MSI2: variants seen among roughly 807,000 people sequenced by gnomAD.
MSI2 encodes musashi RNA binding protein 2.
In MSI2, 17 loss-of-function variants were observed where a neutral mutation model predicts 45.6. The observed-to-expected ratio is 0.37, with a 90% CI of 0.26 to 0.56. The LOEUF is 0.56. Ranked by LOEUF, MSI2 falls within the 20% of genes least tolerant of loss-of-function variation. The probability of loss-of-function intolerance (pLI) is 0.77; values close to 1 mark genes in which losing one functional copy is unlikely to be tolerated. For synonymous variants in MSI2, 156 were observed against 158.2 expected (o/e 0.99, Z 0.11); for missense variants, 293 against 444.2 (o/e 0.66, Z 3.06).
intron 5 of MSI2, among the ~76,000 whole-genome samples, chr17:57,272,950 A>G (rs1184346156): frequency 2.0e-5 from 3 of 152,202 alleles, no homozygotes; most frequent in Non-Finnish European, 4.4e-5. Context: ...CCTCTGGGAT[A>G]TCTCTCAAAT....
chr17:57,342,253 A>G (rs956773753), intron 5 of MSI2, among the ~76,000 whole-genome samples: 3 of 152,178 alleles, frequency 2.0e-5, no homozygotes, highest in African/African-American at 7.2e-5. Flanking sequence ...TCTTTGATAC[A>G]TGGACATCCG....
intron 6 of MSI2, among the ~76,000 whole-genome samples, chr17:57,507,230 T>TGTGG: frequency 9.8e-5 from 1 of 10,188 alleles, no homozygotes; most frequent in African/African-American, 2.3e-4. Context: ...TCTCTCTGTG[T>TGTGG]GTGTGTGTGT....
At chr17:57,456,567 C>T (rs2085118856) in intron 6 of MSI2, among the ~76,000 whole-genome samples, 1 of 152,030 alleles carries the variant, frequency 6.6e-6, no homozygotes, top group Admixed American at 6.5e-5. Flanking sequence ...TGCACTCCAG[C>T]CTGGGCGACA....
intron 6 of MSI2, among the ~76,000 whole-genome samples, chr17:57,466,773 C>G (rs1235975217): frequency 1.0e-5 from 1 of 97,240 alleles, no homozygotes; most frequent in Admixed American, 1.3e-4. Context: ...ACTCTCATCC[C>G]CTCTTTTCTT....
intron 5 of MSI2, among the ~76,000 whole-genome samples, chr17:57,357,378 G>A (rs1029075167): frequency 6.6e-6 from 1 of 152,114 alleles, no homozygotes. Flanking sequence ...GGAAGTGGGT[G>A]GTGTGGTGTA....
rs559154154 is a variant in MSI2, at chr17:57,526,104, A to G, written c.406-3572A>G. Among the ~76,000 whole-genome samples the G allele has an allele frequency of 7.9e-4, 120 of 152,198 alleles. 3 individuals carry two copies. In the South Asian group the frequency reaches 0.025, roughly 31 times the overall value. On this transcript the variant is annotated intron_variant, in intron 6 of 13. Coordinates refer to ENST00000284073, the MANE Select transcript of MSI2 (RefSeq NM_138962.4). ...GCCAGGCATGGTGGTGCATGCCTGT[A>G]ATCCCAGCTACTCAGGAGGCTGAGG...
Position 57,552,164 on chromosome 17 carries a change from C to T in MSI2, c.454+22440C>T, listed in dbSNP as rs2087321775. 2.6e-5 allele frequency among the ~76,000 whole-genome samples: 4 copies of T among 152,354 alleles called. No homozygotes were observed. In the South Asian group the frequency reaches 8.3e-4, roughly 32 times the overall value. On this transcript the variant is annotated intron_variant, in intron 7 of 13. Coordinates refer to ENST00000284073, the MANE Select transcript of MSI2 (RefSeq NM_138962.4). This position sits in a 1 kb window ranked among gnomAD's most constrained non-coding sequence, Gnocchi z 4.3. ...ACACCAGGGCTCTGTCCCCCGACTT[C>T]CTCACTAGACCCTCAGGCCATCTGG...
At chr17:57,621,115 C>T (rs918467400) in intron 9 of MSI2, among the ~76,000 whole-genome samples, 1 of 152,192 alleles carries the variant, frequency 6.6e-6, no homozygotes, top group Non-Finnish European at 1.5e-5. Context: ...CTTCTTCCCT[C>T]GAAAGTGGTA....
At chr17:57,375,643 C>G (rs772757587) in intron 5 of MSI2, among the ~76,000 whole-genome samples, 5 of 152,036 alleles carry the variant, frequency 3.3e-5, no homozygotes, top group Non-Finnish European at 7.4e-5. Flanking sequence ...CTTAAGAATT[C>G]AATAATGACT....
chr17:57,474,108 T>C (rs1033163897), intron 6 of MSI2, among the ~76,000 whole-genome samples: 1 of 151,848 alleles, frequency 6.6e-6, no homozygotes, highest in Non-Finnish European at 1.5e-5. Context: ...AAGTTGGGGG[T>C]ATTTGCTGAT....
At chr17:57,452,380 C>T (rs907113251) in intron 6 of MSI2, among the ~76,000 whole-genome samples, 8 of 152,238 alleles carry the variant, frequency 5.3e-5, no homozygotes, top group African/African-American at 1.9e-4. Context: ...AGCAACTTCC[C>T]CAGGCCACCT....
intron 5 of MSI2, among the ~76,000 whole-genome samples, chr17:57,334,375 G>A (rs1466463837): frequency 6.6e-6 from 1 of 152,150 alleles, no homozygotes; most frequent in Non-Finnish European, 1.5e-5. Context: ...AGCTTCCCTT[G>A]GAGAGCTGTC....
intron 6 of MSI2, among the ~76,000 whole-genome samples, chr17:57,481,359 T>C (rs561504846): frequency 4.6e-5 from 7 of 152,352 alleles, no homozygotes; most frequent in African/African-American, 1.4e-4. Context: ...GCTTTCATTG[T>C]ATTGTCTTCT....
rs1031935649 is a variant in MSI2, at chr17:57,523,806, T to G, written c.406-5870T>G. 2.2e-4 allele frequency among the ~76,000 whole-genome samples: 34 copies of G among 152,236 alleles called. 1 individual carries two copies. Among genetic ancestry groups the G allele is most frequent in the Non-Finnish European group, 5.9e-5 (4 of 68,038 alleles). ...GCACTTTCCCTTATTCTGCCCCTTTTCTTTCCTTTGCTTTCTAGTATTATT... is the reference window on the plus strand; with the variant it reads ...GCACTTTCCCTTATTCTGCCCCTTTGCTTTCCTTTGCTTTCTAGTATTATT... On this transcript the variant is annotated intron_variant, in intron 6 of 13. Coordinates refer to ENST00000284073, the MANE Select transcript of MSI2 (RefSeq NM_138962.4).
intron 13 of MSI2, among the ~76,000 whole-genome samples, chr17:57,678,444 A>G (rs1012132032): frequency 2.6e-5 from 4 of 152,242 alleles, no homozygotes; most frequent in African/African-American, 9.6e-5. Context: ...GAGAACAGGG[A>G]CAACTGGTAT....
Position 57,592,749 on chromosome 17 carries a change from C to T in MSI2, c.455-4119C>T, listed in dbSNP as rs1417614009. On this transcript the variant is annotated intron_variant, in intron 7 of 13. Transcript: ENST00000284073. Reference sequence around the variant, plus strand: ...ATCAGAGTCAGAATTTGAGATGATGCCCTGAGTCTTGCCCCGACCCTTCCT... The same window carrying T: ...ATCAGAGTCAGAATTTGAGATGATGTCCTGAGTCTTGCCCCGACCCTTCCT... Among the ~76,000 whole-genome samples, 6 of 152,128 alleles carry T rather than the reference C, an allele frequency of 3.9e-5. No individual in the cohort carries two copies. In the East Asian group the frequency reaches 9.6e-4, roughly 24 times the overall value.
At chr17:57,320,934 C>T (rs1381697509) in intron 5 of MSI2, among the ~76,000 whole-genome samples, 1 of 152,040 alleles carries the variant, frequency 6.6e-6, no homozygotes, top group African/African-American at 2.4e-5. Context: ...CTGCTCCCTG[C>T]CATGCTGCCT....
chr17:57,545,772 C>A (rs2087151822), intron 7 of MSI2, among the ~76,000 whole-genome samples: 1 of 152,102 alleles, frequency 6.6e-6, no homozygotes, highest in Non-Finnish European at 1.5e-5. Flanking sequence ...GACTGGAGAA[C>A]ATAAGTCTGA....
chr17:57,522,361 C>T (rs1352730327), intron 6 of MSI2: 1 of 152,170 alleles, frequency 6.6e-6, no homozygotes, highest in Non-Finnish European at 1.5e-5. Context: ...TCTTCTCTTC[C>T]CTTTCCCCTC....
Sources: gnomAD v4.1 joint callset for allele counts (sites outside exome capture counted in the v4.1 genomes callset) on GRCh38, gnomAD v4.1.1 for gene constraint, Gnocchi (gnomAD v3.1) non-coding constraint, MANE v1.5 for transcripts, NCBI Gene and HGNC (gene_info 2026-07-23, HGNC 2026-07-21) for gene names.